The following SYCP1 variants were observed in gnomAD, a reference collection of about 807,000 sequenced individuals.
The protein encoded by SYCP1 is synaptonemal complex protein 1, also known as cancer/testis antigen 8.
Under a neutral mutation model 153.1 loss-of-function variants are expected in SYCP1, and 64 were observed. The observed-to-expected ratio is 0.42, with a 90% CI of 0.34 to 0.51. The LOEUF (loss-of-function observed/expected upper bound fraction) is 0.51. Among genes scored for constraint, SYCP1 ranks in the 20% least tolerant of loss-of-function variants. The pLI, the probability that SYCP1 is intolerant of heterozygous loss-of-function variation, is 0.06. For missense variants in SYCP1, 997 were observed against 1,049.0 expected, an observed-to-expected ratio of 0.95 and a Z score of 0.68; for synonymous variants, 384 against 341.8, an observed-to-expected ratio of 1.12 and a Z score of -1.36.
At chr1:114,959,918 T>C (rs999004665) in intron 27 of SYCP1, among the ~76,000 whole-genome samples, 1 of 152,138 alleles carries the variant, frequency 6.6e-6, no homozygotes, top group African/African-American at 2.4e-5. Context: ...AATCACAGGA[T>C]CTTATTCTTT....
rs147409600 is a variant in SYCP1, at chr1:114,871,262, G to C, written c.599-3244G>C. 6.1e-3 allele frequency among the ~76,000 whole-genome samples: 932 copies of C among 151,726 alleles called. 11 individuals carry two copies. Among genetic ancestry groups the C allele is most frequent in the African/African-American group, 0.021 (875 of 41,368 alleles). ...GGTTCACCACAACCTCCACCTTCCG[G>C]GATCAAGTGATTCTCGTGCTTCAGC... On this transcript the variant is annotated intron_variant, in intron 8 of 31. Coordinates refer to ENST00000369522, the MANE Select transcript of SYCP1 (RefSeq NM_003176.4).
chr1:114,929,443 C>T (rs1398762399), intron 23 of SYCP1, among the ~76,000 whole-genome samples: 1 of 151,356 alleles, frequency 6.6e-6, no homozygotes, highest in Non-Finnish European at 1.5e-5. Context: ...AAACCATATA[C>T]TATTACAAGA....
At chr1:114,944,587 A>C in intron 24 of SYCP1, 132 bp downstream of exon 24, 1 of 635,650 alleles carries the variant, frequency 1.6e-6, no homozygotes, top group Non-Finnish European at 2.7e-6. Flanking sequence ...AATTTATATA[A>C]GGGTCAGTTT....
intron 15 of SYCP1, among the ~76,000 whole-genome samples, chr1:114,891,985 C>T (rs548136743): frequency 6.6e-6 from 1 of 152,238 alleles, no homozygotes; most frequent in South Asian, 2.1e-4. Context: ...CTGCAATGGA[C>T]TGTGTGGGCC....
chr1:114,954,431 AT>A (rs1432891940), intron 27 of SYCP1, among the ~76,000 whole-genome samples: 1 of 151,684 alleles, frequency 6.6e-6, no homozygotes, highest in Non-Finnish European at 1.5e-5. Context: ...ATTCTTTGTG[AT>A]TTTCTGTGCA....
At chr1:114,875,288 T>C (rs1294037735) in intron 9 of SYCP1, among the ~76,000 whole-genome samples, 32 of 145,108 alleles carry the variant, frequency 2.2e-4, no homozygotes, top group Non-Finnish European at 4.4e-4. Context: ...TTTGAGACAG[T>C]CTGGCTCTGT....
At chr1:114,960,952 C>G (rs1309710628) in intron 27 of SYCP1, among the ~76,000 whole-genome samples, 1 of 152,176 alleles carries the variant, frequency 6.6e-6, no homozygotes, top group African/African-American at 2.4e-5. Flanking sequence ...GAATGTCTGA[C>G]AGAATTCAAC....
At chr1:114,857,157 A>AAAAT in intron 3 of SYCP1, 75 bp from the exon 4 acceptor site, 1 of 880,800 alleles carries the variant, frequency 1.1e-6, no homozygotes, top group Non-Finnish European at 1.6e-6. Flanking sequence ...AAAAAAAAAA[A>AAAAT]GAGAAAAAAG....
chr1:114,909,603 G>A (rs1470411253), intron 16 of SYCP1, among the ~76,000 whole-genome samples: 3 of 151,878 alleles, frequency 2.0e-5, no homozygotes, highest in Admixed American at 6.6e-5. Context: ...TGGTCTCTGG[G>A]CATGAGATTA....
chr1:114,865,670 G>T (rs1025165971), intron 8 of SYCP1, among the ~76,000 whole-genome samples: 1 of 152,102 alleles, frequency 6.6e-6, no homozygotes, highest in East Asian at 1.9e-4. Flanking sequence ...TGGCATGTTT[G>T]TTACAATTGA....
At chr1:114,913,421 TTTA>T (rs1668309954) in intron 19 of SYCP1, among the ~76,000 whole-genome samples, 1 of 152,072 alleles carries the variant, frequency 6.6e-6, no homozygotes, top group South Asian at 2.1e-4. Context: ...TCAATAGGTA[TTTA>T]TTAAGTCATA....
chr1:114,887,844 A>C (rs1666420524), intron 15 of SYCP1, 151 bp downstream of exon 15: 1 of 504,428 alleles, frequency 2.0e-6, no homozygotes, highest in Non-Finnish European at 3.3e-6. Flanking sequence ...TGAAGGTAGA[A>C]AATTTAAACC....
At chr1:114,881,345 G>A (rs926904371) in intron 12 of SYCP1, among the ~76,000 whole-genome samples, 5 of 151,922 alleles carry the variant, frequency 3.3e-5, no homozygotes, top group Admixed American at 6.6e-5. Context: ...CTCCTTTAGT[G>A]AGAATATGTT....
chr1:114,949,607 G>T (rs1393293583), intron 27 of SYCP1, among the ~76,000 whole-genome samples: 1 of 152,150 alleles, frequency 6.6e-6, no homozygotes, highest in East Asian at 1.9e-4. Context: ...GGCCCATGGG[G>T]TCTTGATTAC....
intron 28 of SYCP1, among the ~76,000 whole-genome samples, chr1:114,979,916 A>C (rs1176237081): frequency 2.6e-5 from 4 of 151,862 alleles, no homozygotes; most frequent in Admixed American, 2.6e-4. Context: ...TTTATAGTAC[A>C]TGTAGTTGCC....
chr1:114,988,716 A>C (rs1221579486), intron 30 of SYCP1, among the ~76,000 whole-genome samples: 2 of 152,062 alleles, frequency 1.3e-5, no homozygotes, highest in African/African-American at 4.8e-5. Flanking sequence ...GAATAAATAA[A>C]TATCTCTGGT....
At chr1:114,985,597 T>A (rs1320378570) in intron 30 of SYCP1, among the ~76,000 whole-genome samples, 1 of 151,966 alleles carries the variant, frequency 6.6e-6, no homozygotes, top group Non-Finnish European at 1.5e-5. Flanking sequence ...AACTAGAAGA[T>A]CCTTCAAGCT....
intron 23 of SYCP1, among the ~76,000 whole-genome samples, chr1:114,928,725 G>A (rs1272926817): frequency 6.6e-6 from 1 of 152,114 alleles, no homozygotes; most frequent in African/African-American, 2.4e-5. Context: ...CTATTTTGTT[G>A]TAGCATTTTT....
chr1:114,938,454 G>A (rs1221844628), intron 23 of SYCP1, among the ~76,000 whole-genome samples: 2 of 151,624 alleles, frequency 1.3e-5, no homozygotes, highest in Non-Finnish European at 2.9e-5. Context: ...TGTAAATGAC[G>A]AGTTAACAGG....
Sources: allele counts gnomAD v4.1 joint callset (sites outside exome capture counted in the v4.1 genomes callset), GRCh38; gene constraint gnomAD v4.1.1; transcripts MANE v1.5; gene names NCBI Gene and HGNC (gene_info 2026-07-23, HGNC 2026-07-21).